RYR2: variants seen among roughly 807,000 people sequenced by gnomAD.
RYR2 encodes the protein ryanodine receptor 2.
RYR2 carries 227 observed loss-of-function variants against 601.1 expected under a neutral mutation model. The ratio of observed to expected loss-of-function variants is 0.38; its 90% CI spans 0.34 to 0.42. The LOEUF is 0.42. RYR2 is among the 10% of genes least tolerant of loss of function. The pLI, the probability that RYR2 is intolerant of heterozygous loss-of-function variation, is 1.00. For missense variants in RYR2, 4,646 were observed against 6,156.5 expected (o/e 0.75, Z 8.21); for synonymous variants, 2,223 against 2,175.1 (o/e 1.02, Z -0.61).
At chr1:237,513,991 T>C (rs556891241) in intron 24 of RYR2, among the ~76,000 whole-genome samples, 53 of 152,272 alleles carry the variant, frequency 3.5e-4, no homozygotes, top group African/African-American at 1.3e-3. Flanking sequence ...ATCAAGTAAA[T>C]TGAGAACCTA....
At chr1:237,376,406 A>G (rs1701037478) in intron 7 of RYR2, among the ~76,000 whole-genome samples, 1 of 152,202 alleles carries the variant, frequency 6.6e-6, no homozygotes. Flanking sequence ...AGTAAACAAA[A>G]CATACCAAGT....
intron 56 of RYR2, among the ~76,000 whole-genome samples, chr1:237,661,353 G>T (rs1431301382): frequency 6.6e-6 from 1 of 152,084 alleles, no homozygotes. Context: ...TCAGGGAGTG[G>T]GGGGCTAGGG....
At chr1:237,467,174 GATAT>G (rs1455257974) in intron 16 of RYR2, among the ~76,000 whole-genome samples, 2 of 147,308 alleles carry the variant, frequency 1.4e-5, no homozygotes, top group South Asian at 4.2e-4. Flanking sequence ...ATATGATAAT[GATAT>G]ATATTATATA....
At chr1:237,323,479 C>A (rs974893) in intron 2 of RYR2, among the ~76,000 whole-genome samples, 75,204 of 151,992 alleles carry the variant, frequency 0.49, 20,167 homozygotes, top group African/African-American at 0.72. Context: ...ATGGTTCATC[C>A]AATGAGTGTA....
At chr1:237,245,723 C>G (rs1364668137) in intron 1 of RYR2, among the ~76,000 whole-genome samples, 3 of 152,160 alleles carry the variant, frequency 2.0e-5, no homozygotes, top group Admixed American at 1.3e-4. Context: ...TTCTTTAATT[C>G]TAGAAGCAAA....
chr1:237,727,053 G>A (rs762544736), intron 75 of RYR2, 34 bp from the exon 76 acceptor site: 5 of 1,026,520 alleles, frequency 4.9e-6, no homozygotes, highest in South Asian at 1.3e-5. Flanking sequence ...GGTAGTTTGG[G>A]GTGTAAATAT....
intron 21 of RYR2, 43 bp from the exon 22 acceptor site, chr1:237,503,246 G>T: frequency 6.6e-7 from 1 of 1,520,660 alleles, no homozygotes; most frequent in Non-Finnish European, 9.0e-7. Flanking sequence ...AAACTTTAAT[G>T]TACACCAGAG....
chr1:237,383,096 G>A (rs1210852217), intron 8 of RYR2, among the ~76,000 whole-genome samples: 1 of 152,084 alleles, frequency 6.6e-6, no homozygotes, highest in African/African-American at 2.4e-5. Context: ...GTTCAATTGA[G>A]AGATTCTTGG....
At chr1:237,656,132 G>A (rs753800764) in intron 53 of RYR2, 148 bp downstream of exon 53, 6 of 593,062 alleles carry the variant, frequency 1.0e-5, no homozygotes, top group Non-Finnish European at 1.1e-5. Flanking sequence ...TTTATAAAAC[G>A]ATAGTAATAA....
chr1:237,063,386 T>G (rs910896326), intron 1 of RYR2, among the ~76,000 whole-genome samples: 7 of 152,332 alleles, frequency 4.6e-5, no homozygotes, highest in African/African-American at 1.7e-4. Context: ...ATTAACAAGC[T>G]TCTATTAGCT....
At chr1:237,409,740 C>T (rs921422964) in intron 10 of RYR2, among the ~76,000 whole-genome samples, 1 of 152,102 alleles carries the variant, frequency 6.6e-6, no homozygotes, top group Non-Finnish European at 1.5e-5. Context: ...TACTTCCCTG[C>T]ATTGCAGTAA....
intron 1 of RYR2, among the ~76,000 whole-genome samples, chr1:237,052,717 T>C (rs140154084): frequency 4.6e-5 from 7 of 152,182 alleles, no homozygotes; most frequent in African/African-American, 1.7e-4. Context: ...TTTTTTCCTC[T>C]CCTTTTAGGG....
Position 237,657,993 on chromosome 1 carries a change from C to T in RYR2, c.8179C>T (p.His2727Tyr), listed in dbSNP as rs999460320. The T allele has an allele frequency of 2.6e-6, 4 of 1,513,284 alleles. No homozygotes were observed. Among genetic ancestry groups the T allele is most frequent in the East Asian group, 2.6e-5 (1 of 38,222 alleles). The allele number at this position is 1,513,284 out of a possible 1,614,324, so 93.7% of individuals were successfully genotyped here. The change falls in exon 54 of 105, where the codon CAC becomes TAC. Residue 2727 changes from histidine (H) to tyrosine (Y), a missense_variant. His to Tyr is a moderately conservative substitution (Grantham distance 83). Coordinates refer to ENST00000366574, the MANE Select transcript of RYR2 (RefSeq NM_001035.3). ...LEYFINKYAE[H>Y]SHDKWSMDKL... Reference sequence around the variant, plus strand: ...ATACTTCATTAACAAATATGCAGAACACTCCCATGACAAATGGTCAATGGA... The same window carrying T: ...ATACTTCATTAACAAATATGCAGAATACTCCCATGACAAATGGTCAATGGA...
At chr1:237,370,421 C>T (rs1017760576) in intron 6 of RYR2, among the ~76,000 whole-genome samples, 11 of 151,572 alleles carry the variant, frequency 7.3e-5, no homozygotes, top group African/African-American at 2.2e-4. Flanking sequence ...TTAAGAATAT[C>T]GAAAGAAAAA....
intron 39 of RYR2, among the ~76,000 whole-genome samples, chr1:237,624,514 G>T (rs1310936932): frequency 6.6e-6 from 1 of 152,152 alleles, no homozygotes; most frequent in Non-Finnish European, 1.5e-5. Context: ...TAACCTCAAT[G>T]AAGCTGTTTT....
intron 1 of RYR2, among the ~76,000 whole-genome samples, chr1:237,095,098 G>C (rs1440229651): frequency 1.3e-5 from 2 of 152,222 alleles, no homozygotes; most frequent in Non-Finnish European, 2.9e-5. Flanking sequence ...AAATTAAAAT[G>C]TTGAAAATAA....
intron 1 of RYR2, among the ~76,000 whole-genome samples, chr1:237,082,388 G>A (rs988261417): frequency 6.6e-6 from 1 of 151,690 alleles, no homozygotes; most frequent in Non-Finnish European, 1.5e-5. Flanking sequence ...TTAATGGTCT[G>A]GAAATGAAGT....
intron 8 of RYR2, among the ~76,000 whole-genome samples, chr1:237,380,359 AATATATATATATATATATAT>A (rs57204036): frequency 0.014 from 414 of 29,252 alleles, 11 homozygotes; most frequent in Non-Finnish European, 0.02. Flanking sequence ...AGAATACACA[AATATATATATATATATATAT>A]ATATATATAT....
intron 100 of RYR2, among the ~76,000 whole-genome samples, chr1:237,812,369 A>C (rs535060832): frequency 6.6e-6 from 1 of 152,184 alleles, no homozygotes; most frequent in African/African-American, 2.4e-5. Flanking sequence ...CCTTTCTAGA[A>C]ATTCTGCTAA....
Sources: gnomAD v4.1 joint callset for allele counts (sites outside exome capture counted in the v4.1 genomes callset) on GRCh38, gnomAD v4.1.1 for gene constraint, MANE v1.5 for transcripts, NCBI Gene and HGNC (gene_info 2026-07-23, HGNC 2026-07-21) for gene names.